CRPPA: variants seen among roughly 807,000 people sequenced by gnomAD.
CRPPA encodes CDP-L-ribitol pyrophosphorylase A, also known as D-ribitol-5-phosphate cytidylyltransferase.
Under a neutral mutation model 52.0 loss-of-function variants are expected in CRPPA, and 43 were observed. That is an observed-to-expected ratio of 0.83 (90% confidence interval 0.65 to 1.07). The LOEUF (loss-of-function observed/expected upper bound fraction) is 1.07. Among genes scored for constraint, CRPPA ranks in the 50% least tolerant of loss-of-function variants. The pLI, the probability that CRPPA is intolerant of heterozygous loss-of-function variation, is 0.00. For synonymous variants in CRPPA, 250 were observed against 203.5 expected (o/e 1.23, Z -1.94); for missense variants, 629 against 551.7 (o/e 1.14, Z -1.40).
Position 16,229,593 on chromosome 7 carries a change from A to G in CRPPA, c.1120-13396T>C, listed in dbSNP as rs187570993. Among the ~76,000 whole-genome samples the G allele has an allele frequency of 5.3e-5, 8 of 152,168 alleles. No homozygotes were observed. In the East Asian group the frequency reaches 1.5e-3, roughly 29 times the overall value. Reference sequence around the variant, plus strand: ...TAGTATTTTTCATGTCACAATTTTCATATTGCATATCCTTAAATTTGTTAC... The same window carrying G: ...TAGTATTTTTCATGTCACAATTTTCGTATTGCATATCCTTAAATTTGTTAC... On this transcript the variant is annotated intron_variant, in intron 8 of 9. Coordinates refer to ENST00000407010, the MANE Select transcript of CRPPA (RefSeq NM_001101426.4).
At chr7:16,098,731 A>C (rs1781980444) in intron 9 of CRPPA, among the ~76,000 whole-genome samples, 1 of 152,218 alleles carries the variant, frequency 6.6e-6, no homozygotes, top group Non-Finnish European at 1.5e-5. Context: ...TCTTTTTGTA[A>C]ACATTTTGCT....
At chr7:16,341,896 T>G (rs1785848039) in intron 3 of CRPPA, among the ~76,000 whole-genome samples, 1 of 152,174 alleles carries the variant, frequency 6.6e-6, no homozygotes. Context: ...TCCCTTTCCT[T>G]GTCTGTATTC....
At chr7:16,368,842 T>C (rs544768601) in intron 3 of CRPPA, among the ~76,000 whole-genome samples, 1 of 152,306 alleles carries the variant, frequency 6.6e-6, no homozygotes, top group East Asian at 1.9e-4. Flanking sequence ...TCCAATAATT[T>C]TTCAGATGAA....
chr7:16,149,382 T>C (rs1783032027), intron 9 of CRPPA, among the ~76,000 whole-genome samples: 1 of 152,208 alleles, frequency 6.6e-6, no homozygotes, highest in African/African-American at 2.4e-5. Flanking sequence ...AATTCCATGA[T>C]AATATTACAG....
chr7:16,160,209 G>T (rs1213562414), intron 9 of CRPPA, among the ~76,000 whole-genome samples: 1 of 152,112 alleles, frequency 6.6e-6, no homozygotes, highest in Non-Finnish European at 1.5e-5. Context: ...TCTTGCCATT[G>T]CTTTTGGTGT....
chr7:16,162,252 C>A (rs1780915402), intron 9 of CRPPA, among the ~76,000 whole-genome samples: 1 of 152,134 alleles, frequency 6.6e-6, no homozygotes, highest in Admixed American at 6.5e-5. Flanking sequence ...TTCTCTAGTT[C>A]TTTTAATTGT....
intron 8 of CRPPA, among the ~76,000 whole-genome samples, chr7:16,223,281 C>G (rs1782569171): frequency 6.6e-6 from 1 of 152,180 alleles, no homozygotes; most frequent in Admixed American, 6.6e-5. Flanking sequence ...ACCTTTGTTA[C>G]TTAGATGCCA....
At chr7:16,297,118 A>T (rs923797126) in intron 5 of CRPPA, among the ~76,000 whole-genome samples, 1 of 152,148 alleles carries the variant, frequency 6.6e-6, no homozygotes, top group Admixed American at 6.6e-5. Flanking sequence ...GTCAAACTTA[A>T]AGACAATGTA....
At chr7:16,245,837 C>A (rs1258518348) in intron 8 of CRPPA, among the ~76,000 whole-genome samples, 14 of 152,052 alleles carry the variant, frequency 9.2e-5, no homozygotes, top group Admixed American at 5.9e-4. Context: ...AGCATTATGA[C>A]CAAACAATAA....
At chr7:16,206,123 A>G (rs1781968584) in intron 9 of CRPPA, among the ~76,000 whole-genome samples, 1 of 152,128 alleles carries the variant, frequency 6.6e-6, no homozygotes, top group South Asian at 2.1e-4. Flanking sequence ...CATACATTAA[A>G]AAATTGTATG....
At chr7:16,291,645 G>T (rs1292546310) in intron 5 of CRPPA, among the ~76,000 whole-genome samples, 1 of 151,712 alleles carries the variant, frequency 6.6e-6, no homozygotes, top group Non-Finnish European at 1.5e-5. Context: ...TCAGATAGAA[G>T]AAATAAGTTT....
chr7:16,188,464 C>T (rs1475958757), intron 9 of CRPPA, among the ~76,000 whole-genome samples: 22 of 152,068 alleles, frequency 1.4e-4, no homozygotes, highest in Admixed American at 1.4e-3. Context: ...TATTTTTAAA[C>T]AATGCATCAC....
chr7:16,384,710 A>G (rs527838711), intron 2 of CRPPA, among the ~76,000 whole-genome samples: 1 of 152,332 alleles, frequency 6.6e-6, no homozygotes, highest in East Asian at 1.9e-4. Flanking sequence ...TTTCCCTGTG[A>G]AAGTAAAAGA....
At chr7:16,295,216 T>C (rs1003777660) in intron 5 of CRPPA, among the ~76,000 whole-genome samples, 14 of 152,100 alleles carry the variant, frequency 9.2e-5, no homozygotes, top group African/African-American at 3.1e-4. Context: ...AGTTGCTAAG[T>C]ACTTATTGAA....
intron 5 of CRPPA, among the ~76,000 whole-genome samples, chr7:16,278,689 C>T (rs1186245231): frequency 6.6e-6 from 1 of 152,198 alleles, no homozygotes; most frequent in Non-Finnish European, 1.5e-5. Flanking sequence ...CCTTGACATT[C>T]CTCTAGATTT....
chr7:16,159,342 C>T (rs759834650), intron 9 of CRPPA, among the ~76,000 whole-genome samples: 7 of 152,090 alleles, frequency 4.6e-5, no homozygotes, highest in African/African-American at 7.2e-5. Context: ...GATTAAGGAA[C>T]GCTTGTTTGT....
intron 9 of CRPPA, among the ~76,000 whole-genome samples, chr7:16,103,474 A>T (rs1460652718): frequency 3.3e-5 from 5 of 152,174 alleles, no homozygotes; most frequent in African/African-American, 4.8e-5. Flanking sequence ...GAAATATCAA[A>T]GGTTTTAGAT....
chr7:16,275,975 G>A (rs1007408040), intron 6 of CRPPA, among the ~76,000 whole-genome samples: 2 of 151,758 alleles, frequency 1.3e-5, no homozygotes, highest in Non-Finnish European at 2.9e-5. Flanking sequence ...TATTTAATAA[G>A]CTAAAAGAAA....
At chr7:16,193,168 T>C (rs1781652513) in intron 9 of CRPPA, among the ~76,000 whole-genome samples, 1 of 152,162 alleles carries the variant, frequency 6.6e-6, no homozygotes, top group Non-Finnish European at 1.5e-5. Flanking sequence ...TCCATGAACA[T>C]GATATACGTA....
Sources: allele counts gnomAD v4.1 joint callset (sites outside exome capture counted in the v4.1 genomes callset), GRCh38; gene constraint gnomAD v4.1.1; transcripts MANE v1.5; gene names NCBI Gene and HGNC (gene_info 2026-07-23, HGNC 2026-07-21).